The following KLF13 variants were observed in gnomAD, a reference collection of about 807,000 sequenced individuals.
KLF13 encodes KLF transcription factor 13.
Under a neutral mutation model 16.7 loss-of-function variants are expected in KLF13, and 8 were observed. The observed-to-expected ratio is 0.48, with a 90% CI of 0.28 to 0.87. The LOEUF (loss-of-function observed/expected upper bound fraction) is 0.87, where lower values mean the gene tolerates loss of function less well. Among genes scored for constraint, KLF13 ranks in the 40% least tolerant of loss-of-function variants. The pLI is 0.10. For missense variants in KLF13, 447 were observed against 452.2 expected, an observed-to-expected ratio of 0.99 and a Z score of 0.10; for synonymous variants, 245 against 208.4, an observed-to-expected ratio of 1.18 and a Z score of -1.51.
chr15:31,333,877 C>T (rs2038879904), intron 1 of KLF13, among the ~76,000 whole-genome samples: 1 of 152,140 alleles, frequency 6.6e-6, no homozygotes, highest in Non-Finnish European at 1.5e-5. Flanking sequence ...GATTGTTTCC[C>T]GTGATCAGGT....
rs371896440 is a variant in KLF13 at position 31,423,164 on chromosome 15, T to TACGTATATATACGTATATATAC, written n.118-12206_118-12205insACGTATATATACGTATATATAC. On this transcript the variant is annotated intron_variant and non_coding_transcript_variant, in intron 1 of 1. Coordinates refer to the KLF13 transcript ENST00000558225. ...GTATACGTATATATACGTATATATA[T>TACGTATATATACGTATATATAC]GTATATATATACATATATACGTATA... Among the ~76,000 whole-genome samples the TACGTATATATACGTATATATAC allele has an allele frequency of 8.1e-3, 206 of 25,356 alleles. 62 individuals carry two copies. Among genetic ancestry groups the TACGTATATATACGTATATATAC allele is most frequent in the South Asian group, 0.013 (10 of 742 alleles). 16.6% of individuals were successfully genotyped at this position (25,356 alleles called of 152,430 possible).
intron 1 of KLF13, among the ~76,000 whole-genome samples, chr15:31,418,446 T>C (rs1420931413): frequency 6.6e-6 from 1 of 152,208 alleles, no homozygotes; most frequent in Non-Finnish European, 1.5e-5. Flanking sequence ...CAAAAGTTGC[T>C]TCTTTGCAAA....
intron 1 of KLF13, among the ~76,000 whole-genome samples, chr15:31,345,979 G>A (rs1206193087): frequency 1.3e-5 from 2 of 152,098 alleles, no homozygotes; most frequent in Admixed American, 6.5e-5. Context: ...GAGTATCTGA[G>A]CTCAGAGGGA....
chr15:31,431,602 C>G (rs1181486120), intron 1 of KLF13, among the ~76,000 whole-genome samples: 1 of 152,040 alleles, frequency 6.6e-6, no homozygotes, highest in Admixed American at 6.6e-5. Flanking sequence ...GTAGCTGGGA[C>G]TACAGGCACC....
At chr15:31,366,003 C>T (rs1363568084) in intron 1 of KLF13, among the ~76,000 whole-genome samples, 2 of 152,096 alleles carry the variant, frequency 1.3e-5, no homozygotes, top group Admixed American at 6.5e-5. Context: ...TGCTCTCACT[C>T]GGGGCGCTGC....
At chr15:31,385,249 C>G (rs1223341755) in intron 1 of KLF13, among the ~76,000 whole-genome samples, 1 of 152,144 alleles carries the variant, frequency 6.6e-6, no homozygotes, top group Non-Finnish European at 1.5e-5. Context: ...GTTTTAGCAG[C>G]CTGAACTGAT....
At chr15:31,357,458 G>A (rs2039317484) in intron 1 of KLF13, among the ~76,000 whole-genome samples, 1 of 152,244 alleles carries the variant, frequency 6.6e-6, no homozygotes, top group South Asian at 2.1e-4. Flanking sequence ...CTCAGCGACG[G>A]TGGCCTCCTG....
chr15:31,412,413 A>G (rs1268324948), intron 1 of KLF13, among the ~76,000 whole-genome samples: 1 of 151,986 alleles, frequency 6.6e-6, no homozygotes, highest in African/African-American at 2.4e-5. Flanking sequence ...TAAAGGAATA[A>G]TTTGCCTCTA....
At chr15:31,345,424 C>T (rs925593014) in intron 1 of KLF13, among the ~76,000 whole-genome samples, 5 of 152,208 alleles carry the variant, frequency 3.3e-5, no homozygotes, top group African/African-American at 1.2e-4. Context: ...GCACCGCTGG[C>T]CTGCCTCTTT....
At chr15:31,397,119 A>G (rs1249397387) in intron 2 of KLF13, among the ~76,000 whole-genome samples, 1 of 151,848 alleles carries the variant, frequency 6.6e-6, no homozygotes, top group Non-Finnish European at 1.5e-5. Flanking sequence ...TGACTTTGCC[A>G]CAGGAACATT....
chr15:31,398,592 A>G (rs2039988590), intron 2 of KLF13, among the ~76,000 whole-genome samples: 1 of 152,118 alleles, frequency 6.6e-6, no homozygotes, highest in Non-Finnish European at 1.5e-5. Context: ...GTGGAGAAGC[A>G]GCGACCCCTT....
chr15:31,329,928 C>T (rs2038797653), intron 1 of KLF13, among the ~76,000 whole-genome samples: 1 of 152,134 alleles, frequency 6.6e-6, no homozygotes, highest in Admixed American at 6.5e-5. Context: ...ACACACAGTT[C>T]CAGCGTGCAG....
At chr15:31,399,218 C>A (rs2039999239) in intron 2 of KLF13, among the ~76,000 whole-genome samples, 1 of 152,198 alleles carries the variant, frequency 6.6e-6, no homozygotes, top group Non-Finnish European at 1.5e-5. Flanking sequence ...CCTGAGTTTT[C>A]CCCCTGCGGC....
At chr15:31,358,421 T>C (rs1175097666) in intron 1 of KLF13, among the ~76,000 whole-genome samples, 1 of 152,244 alleles carries the variant, frequency 6.6e-6, no homozygotes, top group Non-Finnish European at 1.5e-5. Context: ...CATTTAGTAT[T>C]GTCAGTGTTT....
At chr15:31,421,378 T>G (rs561239776) in intron 1 of KLF13, among the ~76,000 whole-genome samples, 128 of 152,292 alleles carry the variant, frequency 8.4e-4, no homozygotes, top group African/African-American at 3.0e-3. Flanking sequence ...TTGTATAATA[T>G]TCTAATGGTG....
chr15:31,399,967 T>C (rs1336123257), intron 2 of KLF13, among the ~76,000 whole-genome samples: 1 of 152,190 alleles, frequency 6.6e-6, no homozygotes, highest in African/African-American at 2.4e-5. Context: ...TGAACTTGAC[T>C]TCTGCTCTTC....
At chr15:31,411,491 G>C (rs1442405560) in intron 1 of KLF13, among the ~76,000 whole-genome samples, 1 of 150,868 alleles carries the variant, frequency 6.6e-6, no homozygotes, top group Non-Finnish European at 1.5e-5. Context: ...TGCCTCTCAG[G>C]TTCACACCAT....
intron 1 of KLF13, among the ~76,000 whole-genome samples, chr15:31,330,976 C>T (rs1256306034): frequency 1.3e-5 from 2 of 152,208 alleles, no homozygotes. Flanking sequence ...CTGGGGCCCT[C>T]TTGAGGGCAG....
intron 2 of KLF13, among the ~76,000 whole-genome samples, chr15:31,399,354 G>A (rs191037757): frequency 2.0e-5 from 3 of 152,136 alleles, no homozygotes; most frequent in Non-Finnish European, 4.4e-5. Flanking sequence ...TAGTAGAGAC[G>A]GGGTTTCATC....
Sources: gnomAD v4.1 joint callset for allele counts (sites outside exome capture counted in the v4.1 genomes callset) on GRCh38, gnomAD v4.1.1 for gene constraint, MANE v1.5 for transcripts, NCBI Gene and HGNC (gene_info 2026-07-23, HGNC 2026-07-21) for gene names.